Variants in TANK observed in about 807,000 individuals in gnomAD.
TANK encodes the protein TRAF family member-associated NF-kappa-B activator.
In TANK, 15 loss-of-function variants were observed where a neutral mutation model predicts 43.6. That is an observed-to-expected ratio of 0.34 (90% CI 0.23 to 0.53). The LOEUF (loss-of-function observed/expected upper bound fraction) is 0.53. TANK is among the 20% of genes least tolerant of loss of function. TANK has a pLI of 0.94. For missense variants in TANK, 417 were observed against 498.6 expected (o/e 0.84, Z 1.56); for synonymous variants, 162 against 178.2 (o/e 0.91, Z 0.73).
intron 1 of TANK, among the ~76,000 whole-genome samples, chr2:161,150,246 T>C (rs193236124): frequency 5.9e-5 from 9 of 152,352 alleles, no homozygotes; most frequent in African/African-American, 2.2e-4. Flanking sequence ...ATCTAGGTTA[T>C]CTAATTGGTT....
chr2:161,232,912 ATTTTGGC>A, intron 7 of TANK: 2 of 1,465,686 alleles, frequency 1.4e-6, no homozygotes, highest in Admixed American at 2.3e-5. Context: ...GATAATTGAT[ATTTTGGC>A]AGAAAAAGCA....
chr2:161,194,571 A>G (rs1019097579), intron 2 of TANK, among the ~76,000 whole-genome samples: 2 of 152,178 alleles, frequency 1.3e-5, no homozygotes, highest in Non-Finnish European at 2.9e-5. Context: ...TCTTTTTATC[A>G]TAAGTTACAG....
intron 4 of TANK, chr2:161,207,979 T>G (rs1686722335): frequency 5.7e-6 from 5 of 869,922 alleles, no homozygotes; most frequent in Non-Finnish European, 6.9e-6. Flanking sequence ...TGGCCTAGCT[T>G]CTATAATGAA....
chr2:161,234,991 AAGAT>A (rs1290624436), intron 7 of TANK, among the ~76,000 whole-genome samples: 6 of 152,354 alleles, frequency 3.9e-5, no homozygotes, highest in Non-Finnish European at 2.9e-5. Flanking sequence ...TAAAAAACAA[AAGAT>A]AGAATTTAAT....
intron 6 of TANK, among the ~76,000 whole-genome samples, chr2:161,227,334 T>C (rs995919978): frequency 3.9e-5 from 6 of 152,322 alleles, no homozygotes; most frequent in African/African-American, 1.4e-4. Flanking sequence ...GCTAGAAAAA[T>C]AATTCAAAGC....
At chr2:161,179,939 T>C (rs974121981) in intron 2 of TANK, 178 bp downstream of exon 2, 76 of 1,284,108 alleles carry the variant, frequency 5.9e-5, no homozygotes, top group Non-Finnish European at 6.7e-5. Flanking sequence ...TTTTTAAAAA[T>C]ATTGCAACCC....
chr2:161,170,977 A>T (rs982605856), intron 1 of TANK, among the ~76,000 whole-genome samples: 1 of 152,230 alleles, frequency 6.6e-6, no homozygotes, highest in African/African-American at 2.4e-5. Context: ...TATCATTTGC[A>T]ATCTTTATTT....
rs1183648838 is a variant in TANK, at chr2:161,223,949, A to T, written c.362A>T (p.Glu121Val). ...RRQEVSSPRK[E>V]TSARSLGSPL... Reference sequence around the variant, plus strand: ...CAAGAGGTTTCTTCTCCTAGAAAAGAAACTTCAGCAAGGAGTCTTGGCAGT... The same window carrying T: ...CAAGAGGTTTCTTCTCCTAGAAAAGTAACTTCAGCAAGGAGTCTTGGCAGT... Residue 121 changes from glutamate (E) to valine (V), a missense_variant, in exon 5 of 8, where the codon GAA (glutamate) becomes GTA (valine). Transcript: ENST00000392749. The T allele has an allele frequency of 1.2e-6, 2 of 1,602,336 alleles. No homozygotes were observed. Among genetic ancestry groups the T allele is most frequent in the Admixed American group, 3.3e-5 (2 of 59,782 alleles).
At chr2:161,196,430 A>C (rs948800914) in intron 2 of TANK, among the ~76,000 whole-genome samples, 3 of 152,206 alleles carry the variant, frequency 2.0e-5, no homozygotes, top group African/African-American at 7.2e-5. Context: ...AGAGGGCCTC[A>C]GGTGAGCTAG....
At chr2:161,223,244 T>C (rs1006667128) in intron 4 of TANK, 1 of 152,084 alleles carries the variant, frequency 6.6e-6, no homozygotes, top group Non-Finnish European at 1.5e-5. Context: ...TTTTTAAATA[T>C]TTAAACCATA....
chr2:161,190,424 A>G lies in TANK; in HGVS notation c.99+10663A>G, dbSNP rs537200950. Among the ~76,000 whole-genome samples, 9 of 152,318 alleles carry G rather than the reference A, an allele frequency of 5.9e-5. No individual in the cohort carries two copies. In the East Asian group the frequency reaches 1.5e-3, roughly 26 times the overall value. On this transcript the variant is annotated intron_variant, in intron 2 of 7. Coordinates refer to ENST00000392749, the MANE Select transcript of TANK (RefSeq NM_001199135.3). Reference sequence around the variant, plus strand: ...TAAAAAAATTAAACATAGAATTACCATATGATTCAGCAATCCTACTACTCT... The same window carrying G: ...TAAAAAAATTAAACATAGAATTACCGTATGATTCAGCAATCCTACTACTCT...
chr2:161,232,098 C>A (rs1481437208), intron 7 of TANK, among the ~76,000 whole-genome samples: 1 of 152,148 alleles, frequency 6.6e-6, no homozygotes, highest in Non-Finnish European at 1.5e-5. Context: ...TGGAAATGAA[C>A]ATGTAGCCTA....
intron 2 of TANK, among the ~76,000 whole-genome samples, chr2:161,190,891 C>T (rs1685885091): frequency 1.3e-5 from 2 of 151,982 alleles, no homozygotes; most frequent in South Asian, 4.2e-4. Context: ...GTGATGGCTG[C>T]ACAACAATGT....
intron 1 of TANK, among the ~76,000 whole-genome samples, chr2:161,166,710 C>T (rs973711975): frequency 4.6e-5 from 7 of 151,808 alleles, no homozygotes; most frequent in Non-Finnish European, 1.0e-4. Flanking sequence ...TTGCTTGAGG[C>T]GAGGAGTCCA....
At chr2:161,170,167 G>GTAT (rs1416971578) in intron 1 of TANK, among the ~76,000 whole-genome samples, 1 of 152,192 alleles carries the variant, frequency 6.6e-6, no homozygotes, top group African/African-American at 2.4e-5. Context: ...GATGATTAGA[G>GTAT]TATTGATAGG....
chr2:161,224,080 C>CA (rs912122327), intron 5 of TANK, 89 bp downstream of exon 5: 106 of 866,714 alleles, frequency 1.2e-4, no homozygotes, highest in Middle Eastern at 3.7e-4. Context: ...TTAACAATTG[C>CA]AAAAAAAATA....
rs916438010 is a variant in TANK at position 161,179,726 on chromosome 2, G to A, written c.64G>A (p.Asp22Asn). 1.9e-6 allele frequency: 3 copies of A among 1,612,558 alleles called. No homozygotes were observed. Among genetic ancestry groups the A allele is most frequent in the Admixed American group, 1.7e-5 (1 of 59,768 alleles). ...TGAAGCCTTCCGGCAGGCATGCATG[G>A]ATAGAGATTCTGCAGTAAAAGAATT... ...AYEAFRQACM[D>N]RDSAVKELQQ... is the part of the protein sequence containing the mutation. Residue 22 changes from aspartate (D) to asparagine (N), a missense_variant, in exon 2 of 8, where the codon GAT (aspartate) becomes AAT (asparagine). Coordinates refer to ENST00000392749, the MANE Select transcript of TANK (RefSeq NM_001199135.3).
chr2:161,183,992 G>T (rs1005785024), intron 2 of TANK, among the ~76,000 whole-genome samples: 1 of 152,004 alleles, frequency 6.6e-6, no homozygotes, highest in Non-Finnish European at 1.5e-5. Context: ...GAGACACTTG[G>T]TCTATGAGAA....
chr2:161,192,909 C>T (rs966636832), intron 2 of TANK, among the ~76,000 whole-genome samples: 2 of 152,178 alleles, frequency 1.3e-5, no homozygotes, highest in Non-Finnish European at 2.9e-5. Context: ...TTATACTAAC[C>T]TAGCTAAGTC....
Sources: gnomAD v4.1 joint callset for allele counts (sites outside exome capture counted in the v4.1 genomes callset) on GRCh38, gnomAD v4.1.1 for gene constraint, MANE v1.5 for transcripts, NCBI Gene and HGNC (gene_info 2026-07-23, HGNC 2026-07-21) for gene names.